SPATS2: variants seen among roughly 807,000 people sequenced by gnomAD.
SPATS2 encodes spermatogenesis-associated serine-rich protein 2.
SPATS2 carries 38 observed loss-of-function variants against 63.7 expected under a neutral mutation model. The ratio of observed to expected loss-of-function variants is 0.60; its 90% CI spans 0.46 to 0.78. The LOEUF (loss-of-function observed/expected upper bound fraction) is 0.78, where lower values mean the gene tolerates loss of function less well. Ranked by LOEUF, SPATS2 falls within the 30% of genes least tolerant of loss-of-function variation. The pLI is 0.00. For synonymous variants in SPATS2, 207 were observed against 232.9 expected (o/e 0.89, Z 1.01); for missense variants, 588 against 666.2 (o/e 0.88, Z 1.29).
At chr12:49,445,812 A>G (rs1945500225) in intron 2 of SPATS2, among the ~76,000 whole-genome samples, 1 of 151,770 alleles carries the variant, frequency 6.6e-6, no homozygotes, top group Non-Finnish European at 1.5e-5. Flanking sequence ...GGCGTGAGCC[A>G]TCGTGCCTGG....
At chr12:49,456,006 C>T (rs1243502341) in intron 2 of SPATS2, among the ~76,000 whole-genome samples, 2 of 152,210 alleles carry the variant, frequency 1.3e-5, no homozygotes, top group Admixed American at 6.5e-5. Context: ...ACAGCAACCT[C>T]AGGCTAGCTG....
At chr12:49,371,086 A>G (rs1943990264) in intron 1 of SPATS2, 142 bp from the exon 2 acceptor site, 1 of 152,254 alleles carries the variant, frequency 6.6e-6, no homozygotes, top group Admixed American at 6.5e-5. Flanking sequence ...ACCATTTTTA[A>G]GTGTATGGAT....
At position 49,486,454 on chromosome 12, in the gene SPATS2, C is replaced by G. The variant is rs913240178; in HGVS notation, c.105+1785C>G. ...TCCTGCGTGATCCACCCACCTCGGC[C>G]TCCCAAAGTGCTGGGATTACAGGCA... is the stretch of plus-strand genomic sequence containing the variant. On this transcript the variant is annotated intron_variant, in intron 4 of 13. Coordinates refer to ENST00000552918, the MANE Select transcript of SPATS2 (RefSeq NM_023071.4). 5 of 267,874 alleles carry G rather than the reference C, an allele frequency of 1.9e-5. No individual in the cohort carries two copies. The Admixed American group carries it at 2.5e-4, about 13-fold the overall frequency. The allele number at this position is 267,874 out of a possible 1,614,324, so 16.6% of individuals were successfully genotyped here. A position where few individuals can be genotyped will look rare whatever the true frequency, so the allele number is the denominator to read the frequency against.
At chr12:49,390,940 C>G (rs1944407822) in intron 2 of SPATS2, among the ~76,000 whole-genome samples, 1 of 152,136 alleles carries the variant, frequency 6.6e-6, no homozygotes, top group South Asian at 2.1e-4. Context: ...TTTCTCTTCT[C>G]TGGCTGATTT....
chr12:49,420,900 C>T (rs1031899711), intron 2 of SPATS2, among the ~76,000 whole-genome samples: 19 of 151,978 alleles, frequency 1.3e-4, no homozygotes, highest in African/African-American at 4.1e-4. Flanking sequence ...CCATCTACTC[C>T]GGAGGCTGAG....
At chr12:49,440,400 T>C (rs1425825535) in intron 2 of SPATS2, among the ~76,000 whole-genome samples, 1 of 152,156 alleles carries the variant, frequency 6.6e-6, no homozygotes, top group Admixed American at 6.6e-5. Context: ...CCATGCATTA[T>C]ATTTAGTTAT....
intron 2 of SPATS2, among the ~76,000 whole-genome samples, chr12:49,433,711 A>T (rs956052346): frequency 3.3e-5 from 5 of 152,184 alleles, no homozygotes; most frequent in Non-Finnish European, 7.3e-5. Context: ...TATAATAGAT[A>T]TATGACTTGC....
At chr12:49,395,663 T>C (rs1248586521) in intron 2 of SPATS2, among the ~76,000 whole-genome samples, 1 of 151,658 alleles carries the variant, frequency 6.6e-6, no homozygotes, top group Non-Finnish European at 1.5e-5. Context: ...TGACCGCAGG[T>C]GATCCACCCG....
intron 2 of SPATS2, among the ~76,000 whole-genome samples, chr12:49,449,933 C>CT: frequency 6.6e-6 from 1 of 152,142 alleles, no homozygotes; most frequent in African/African-American, 2.4e-5. Flanking sequence ...TTGTTGAACT[C>CT]TTTATTCTTT....
At chr12:49,373,417 T>G (rs1367590413) in intron 2 of SPATS2, among the ~76,000 whole-genome samples, 1 of 152,196 alleles carries the variant, frequency 6.6e-6, no homozygotes, top group African/African-American at 2.4e-5. Flanking sequence ...CACACTTACT[T>G]TGTAGGTGGT....
intron 10 of SPATS2, 125 bp downstream of exon 10, chr12:49,514,738 A>C (rs1946810589): frequency 1.2e-6 from 1 of 805,286 alleles, no homozygotes. Flanking sequence ...AAATAATCTT[A>C]AGCAGTTGCA....
At chr12:49,401,248 T>A (rs1944600386) in intron 2 of SPATS2, among the ~76,000 whole-genome samples, 1 of 152,168 alleles carries the variant, frequency 6.6e-6, no homozygotes, top group Admixed American at 6.6e-5. Context: ...TGGGCTCATA[T>A]GATCCTTCTG....
At chr12:49,450,032 A>C (rs1345630951) in intron 2 of SPATS2, among the ~76,000 whole-genome samples, 1 of 152,082 alleles carries the variant, frequency 6.6e-6, no homozygotes, top group Non-Finnish European at 1.5e-5. Context: ...ACTCTCTTAT[A>C]ATATGATTTC....
chr12:49,500,081 GA>G lies in SPATS2; in HGVS notation c.720del (p.Lys240AsnfsTer3). On this transcript the variant is annotated frameshift_variant, in exon 9 of 14. Coordinates refer to ENST00000552918, the MANE Select transcript of SPATS2 (RefSeq NM_023071.4). LOFTEE classifies it high-confidence loss of function. ...TTTTTTTCCCCAAGGTTCCAATATT[GA>G]AAAATCTGTAAAAGACCTCCAGCGC... Reference protein sequence around the residue: ...ATSKKLSSNIEKSVKDLQRCT... With the variant: ...ATSKKLSSNIXKSVKDLQRCT... 1 of 1,441,678 alleles carries G rather than the reference GA, an allele frequency of 6.9e-7. No individual in the cohort carries two copies. Among genetic ancestry groups the G allele is most frequent in the South Asian group, 1.7e-5 (1 of 59,192 alleles). 89.3% of individuals were successfully genotyped at this position (1,441,678 alleles called of 1,614,324 possible).
chr12:49,491,739 A>G (rs910600140), intron 6 of SPATS2, among the ~76,000 whole-genome samples: 1 of 152,228 alleles, frequency 6.6e-6, no homozygotes, highest in Non-Finnish European at 1.5e-5. Flanking sequence ...TCTAATAAAT[A>G]CAAATACATA....
At chr12:49,481,657 G>C (rs532629128) in intron 3 of SPATS2, among the ~76,000 whole-genome samples, 2 of 151,620 alleles carry the variant, frequency 1.3e-5, no homozygotes, top group East Asian at 3.9e-4. Context: ...TAGTAGAGAC[G>C]GGGTTTCACC....
chr12:49,409,641 C>T (rs1484626240), intron 2 of SPATS2, among the ~76,000 whole-genome samples: 5 of 126,810 alleles, frequency 3.9e-5, no homozygotes, highest in African/African-American at 9.1e-5. Context: ...TTCCCTGTGT[C>T]GCCCAGGCAG....
chr12:49,507,430 A>G (rs1946672083), intron 9 of SPATS2, among the ~76,000 whole-genome samples: 1 of 152,220 alleles, frequency 6.6e-6, no homozygotes, highest in South Asian at 2.1e-4. Flanking sequence ...GGCAATAGTG[A>G]AAGTAGCGAG....
At chr12:49,403,571 T>C (rs1592364225) in intron 2 of SPATS2, among the ~76,000 whole-genome samples, 2 of 143,040 alleles carry the variant, frequency 1.4e-5, no homozygotes. Flanking sequence ...GAGGTTGCAG[T>C]GAGCCGAGAT....
Sources: gnomAD v4.1 joint callset for allele counts (sites outside exome capture counted in the v4.1 genomes callset) on GRCh38, gnomAD v4.1.1 for gene constraint, MANE v1.5 for transcripts, NCBI Gene and HGNC (gene_info 2026-07-23, HGNC 2026-07-21) for gene names.